The following PCDH15 variants were observed in gnomAD, a reference collection of about 807,000 sequenced individuals.
PCDH15 encodes protocadherin-15.
Under a neutral mutation model 178.5 loss-of-function variants are expected in PCDH15, and 129 were observed. That is an observed-to-expected ratio of 0.72 (90% CI 0.63 to 0.84). The LOEUF (loss-of-function observed/expected upper bound fraction) is 0.84, where lower values mean the gene tolerates loss of function less well. PCDH15 is among the 40% of genes least tolerant of loss of function. PCDH15 has a pLI of 0.00. For synonymous variants in PCDH15, 800 were observed against 732.0 expected (o/e 1.09, Z -1.50); for missense variants, 2,230 against 2,099.9 (o/e 1.06, Z -1.21).
chr10:55,334,246 G>A (rs4007176), intron 2 of PCDH15, among the ~76,000 whole-genome samples: 3,367 of 75,976 alleles, frequency 0.044, 42 homozygotes, highest in African/African-American at 0.053. Flanking sequence ...ATATATATGT[G>A]TGTGTGTGTG....
intron 2 of PCDH15, among the ~76,000 whole-genome samples, chr10:55,490,210 T>A (rs1472752603): frequency 6.6e-6 from 1 of 151,748 alleles, no homozygotes; most frequent in Admixed American, 6.6e-5. Context: ...AAACACTAAC[T>A]GAATCAAAGG....
chr10:54,706,771 A>G (rs1399958282), intron 1 of PCDH15, among the ~76,000 whole-genome samples: 1 of 152,058 alleles, frequency 6.6e-6, no homozygotes, highest in African/African-American at 2.4e-5. Context: ...CTACCAGTGC[A>G]TGCCACCATG....
intron 31 of PCDH15, 66 bp from the exon 32 acceptor site, chr10:53,827,614 C>A: frequency 6.3e-7 from 1 of 1,574,844 alleles, no homozygotes; most frequent in Non-Finnish European, 8.7e-7. Context: ...CAATAAGCCA[C>A]CTTTTAATAA....
chr10:54,713,179 T>C (rs886140525), intron 1 of PCDH15, among the ~76,000 whole-genome samples: 2 of 151,800 alleles, frequency 1.3e-5, no homozygotes, highest in Non-Finnish European at 2.9e-5. Context: ...TGTTCATAGA[T>C]GTGGCTGTTT....
intron 2 of PCDH15, among the ~76,000 whole-genome samples, chr10:54,545,454 A>C (rs2085736157): frequency 1.3e-5 from 2 of 151,952 alleles, no homozygotes; most frequent in Admixed American, 1.3e-4. Context: ...TCAAAATTTT[A>C]TTAAAAATAA....
intron 4 of PCDH15, among the ~76,000 whole-genome samples, chr10:54,376,502 T>C (rs1948456116): frequency 6.6e-6 from 1 of 151,076 alleles, no homozygotes; most frequent in African/African-American, 2.4e-5. Context: ...TATTTTCAAA[T>C]ACAATCTATA....
intron 3 of PCDH15, among the ~76,000 whole-genome samples, chr10:54,380,727 T>G (rs76698578): frequency 2.2e-5 from 2 of 91,454 alleles, no homozygotes; most frequent in Admixed American, 2.2e-4. Flanking sequence ...TATATATATA[T>G]ATATATATAT....
At chr10:54,105,305 T>C (rs1468191884) in intron 15 of PCDH15, among the ~76,000 whole-genome samples, 6 of 96,766 alleles carry the variant, frequency 6.2e-5, no homozygotes, top group African/African-American at 1.6e-4. Context: ...TATATATATA[T>C]ATATATATAT....
intron 8 of PCDH15, among the ~76,000 whole-genome samples, chr10:54,240,692 C>T (rs1488361030): frequency 4.8e-5 from 6 of 124,530 alleles, no homozygotes; most frequent in Admixed American, 1.1e-4. Flanking sequence ...AGTGCAGTGG[C>T]GCGATCCCGG....
chr10:54,613,775 C>A (rs553567574), intron 2 of PCDH15, among the ~76,000 whole-genome samples: 7 of 151,770 alleles, frequency 4.6e-5, no homozygotes, highest in African/African-American at 1.7e-4. Flanking sequence ...AAAACACACA[C>A]AAAAAATCAA....
intron 2 of PCDH15, among the ~76,000 whole-genome samples, chr10:55,059,756 A>C (rs1490890541): frequency 6.6e-6 from 1 of 152,106 alleles, no homozygotes; most frequent in Non-Finnish European, 1.5e-5. Context: ...ATGCCTGTAA[A>C]ATACTTAGCA....
intron 1 of PCDH15, among the ~76,000 whole-genome samples, chr10:55,265,311 GAT>G (rs146070132): frequency 3.6e-4 from 52 of 143,948 alleles, no homozygotes; most frequent in Admixed American, 3.4e-4. Context: ...GTATCTCTAT[GAT>G]ATATATATAT....
intron 2 of PCDH15, among the ~76,000 whole-genome samples, chr10:55,627,411 C>T (rs1201345646): frequency 1.3e-5 from 2 of 152,032 alleles, no homozygotes; most frequent in African/African-American, 4.8e-5. Context: ...CCAACACAAA[C>T]ACATACATGT....
chr10:53,828,764 G>C (rs939487712), intron 30 of PCDH15, among the ~76,000 whole-genome samples, 191 bp from the exon 31 acceptor site: 1 of 152,020 alleles, frequency 6.6e-6, no homozygotes, highest in Non-Finnish European at 1.5e-5. Context: ...GTTACCGTTA[G>C]AGTCATTCAA....
intron 2 of PCDH15, among the ~76,000 whole-genome samples, chr10:55,407,313 G>A (rs544284219): frequency 6.6e-6 from 1 of 152,174 alleles, no homozygotes; most frequent in East Asian, 1.9e-4. Flanking sequence ...AAAAGAGTAG[G>A]GAATGTCTGG....
At chr10:55,569,021 T>C (rs1842357033) in intron 2 of PCDH15, among the ~76,000 whole-genome samples, 1 of 151,976 alleles carries the variant, frequency 6.6e-6, no homozygotes, top group Non-Finnish European at 1.5e-5. Context: ...CACTCCCTAA[T>C]GCTGGGACAA....
intron 2 of PCDH15, among the ~76,000 whole-genome samples, chr10:55,008,262 A>C (rs80240505): frequency 2.0e-5 from 3 of 151,664 alleles, no homozygotes; most frequent in African/African-American, 7.2e-5. Context: ...GAAAAAAAAA[A>C]CAACATTCTC....
At chr10:54,369,776 C>A (rs1387061052) in intron 4 of PCDH15, among the ~76,000 whole-genome samples, 2 of 151,966 alleles carry the variant, frequency 1.3e-5, no homozygotes, top group African/African-American at 4.8e-5. Context: ...CTTACTCATT[C>A]TACACATTTA....
At chr10:54,152,953 T>C (rs2044687557) in intron 14 of PCDH15, 147 bp downstream of exon 14, 3 of 949,428 alleles carry the variant, frequency 3.2e-6, no homozygotes, top group Non-Finnish European at 4.9e-6. Flanking sequence ...AGAATATGCA[T>C]GCAGTTCCTG....
Sources: gnomAD v4.1 joint callset for allele counts (sites outside exome capture counted in the v4.1 genomes callset) on GRCh38, gnomAD v4.1.1 for gene constraint, MANE v1.5 for transcripts, NCBI Gene and HGNC (gene_info 2026-07-23, HGNC 2026-07-21) for gene names.